SEMA6D: variants seen among roughly 807,000 people sequenced by gnomAD.
The protein encoded by SEMA6D is semaphorin-6D.
SEMA6D carries 35 observed loss-of-function variants against 106.6 expected under a neutral mutation model. The observed-to-expected ratio is 0.33, with a 90% CI of 0.25 to 0.44. SEMA6D has a LOEUF of 0.44. Ranked by LOEUF, SEMA6D falls within the 20% of genes least tolerant of loss-of-function variation. The pLI is 1.00. For synonymous variants in SEMA6D, 499 were observed against 487.7 expected (o/e 1.02, Z -0.31); for missense variants, 1,185 against 1,345.9 (o/e 0.88, Z 1.87).
At chr15:47,321,048 T>C (rs1373887387) in intron 1 of SEMA6D, among the ~76,000 whole-genome samples, 4 of 152,200 alleles carry the variant, frequency 2.6e-5, no homozygotes, top group Non-Finnish European at 5.9e-5. Context: ...TAGAAATATT[T>C]TTTCCCTCTA....
At chr15:47,411,001 T>C (rs897974618) in intron 1 of SEMA6D, among the ~76,000 whole-genome samples, 2 of 152,104 alleles carry the variant, frequency 1.3e-5, no homozygotes, top group Non-Finnish European at 2.9e-5. Context: ...TGAGTGGCTG[T>C]GGCCTGACTC....
intron 1 of SEMA6D, among the ~76,000 whole-genome samples, chr15:47,333,114 G>T (rs912305940): frequency 2.6e-5 from 4 of 152,142 alleles, no homozygotes; most frequent in Non-Finnish European, 5.9e-5. Flanking sequence ...ATTTGTGAGC[G>T]AGGTGAAAGA....
At chr15:47,295,608 A>C (rs1566979171) in intron 1 of SEMA6D, among the ~76,000 whole-genome samples, 1 of 152,246 alleles carries the variant, frequency 6.6e-6, no homozygotes, top group Non-Finnish European at 1.5e-5. Context: ...GGAAGTGGAG[A>C]TCTTTAAAGC....
intron 1 of SEMA6D, among the ~76,000 whole-genome samples, chr15:47,307,829 G>A (rs2036287715): frequency 6.6e-6 from 1 of 152,112 alleles, no homozygotes; most frequent in Admixed American, 6.6e-5. Flanking sequence ...AGCAATTATA[G>A]TAATTATGCT....
At chr15:47,753,937 A>C (rs1404029685) in intron 1 of SEMA6D, among the ~76,000 whole-genome samples, 3 of 152,186 alleles carry the variant, frequency 2.0e-5, no homozygotes, top group African/African-American at 7.2e-5. Context: ...TCAACATGGT[A>C]TCTCTCTGGG....
At chr15:47,765,838 A>C in intron 13 of SEMA6D, 31 bp from the exon 14 acceptor site, 2 of 1,482,382 alleles carry the variant, frequency 1.3e-6, no homozygotes, top group Non-Finnish European at 1.8e-6. Flanking sequence ...CTGACTAAAC[A>C]TATGGCTTCA....
intron 2 of SEMA6D, among the ~76,000 whole-genome samples, chr15:47,434,388 G>A (rs182785939): frequency 1.3e-5 from 2 of 152,172 alleles, no homozygotes; most frequent in East Asian, 1.9e-4. Flanking sequence ...GAATTGAAGC[G>A]GAGGGAGGAG....
intron 3 of SEMA6D, among the ~76,000 whole-genome samples, chr15:47,569,906 C>T (rs1247029016): frequency 6.6e-6 from 1 of 151,820 alleles, no homozygotes; most frequent in African/African-American, 2.4e-5. Flanking sequence ...ACTAAAAATA[C>T]AAAAATTAGA....
chr15:47,602,672 T>C (rs147161066), intron 4 of SEMA6D, among the ~76,000 whole-genome samples: 16 of 152,264 alleles, frequency 1.1e-4, no homozygotes, highest in African/African-American at 3.8e-4. Flanking sequence ...TGCTCTACTG[T>C]TCCCATCTGG....
intron 3 of SEMA6D, among the ~76,000 whole-genome samples, chr15:47,573,623 T>G (rs2076104005): frequency 6.6e-6 from 1 of 152,132 alleles, no homozygotes; most frequent in South Asian, 2.1e-4. Context: ...TTGCTGGTCT[T>G]TCTTTCTTTC....
intron 3 of SEMA6D, among the ~76,000 whole-genome samples, chr15:47,579,186 G>T (rs2076212357): frequency 6.7e-6 from 1 of 150,042 alleles, no homozygotes; most frequent in African/African-American, 2.5e-5. Context: ...CTGTTACCCA[G>T]GCTGGAGTGC....
At position 47,766,748 on chromosome 15, in the gene SEMA6D, A is replaced by G. The variant is rs1186416823; in HGVS notation, c.1708+71A>G. Reference sequence around the variant, plus strand: ...CATTTGCACGTCGACATTATTTTACAATCAGTCTTTTTAATGACTCAGGAC... The same window carrying G: ...CATTTGCACGTCGACATTATTTTACGATCAGTCTTTTTAATGACTCAGGAC... On this transcript the variant is annotated intron_variant, in intron 16 of 18. Coordinates refer to ENST00000536845, the MANE Select transcript of SEMA6D (RefSeq NM_001358351.3). 9 of 1,079,034 alleles carry G rather than the reference A, an allele frequency of 8.3e-6. No individual in the cohort carries two copies. The Admixed American group carries it at 1.7e-4, about 21-fold the overall frequency. The allele number at this position is 1,079,034 out of a possible 1,614,324, so 66.8% of individuals were successfully genotyped here.
intron 1 of SEMA6D, among the ~76,000 whole-genome samples, chr15:47,370,253 A>G (rs894167052): frequency 6.6e-6 from 1 of 152,198 alleles, no homozygotes; most frequent in Non-Finnish European, 1.5e-5. Flanking sequence ...TGTGGTTCAC[A>G]CCTGTAATTT....
intron 1 of SEMA6D, among the ~76,000 whole-genome samples, chr15:47,322,057 A>G (rs2036942691): frequency 6.6e-6 from 1 of 152,220 alleles, no homozygotes; most frequent in African/African-American, 2.4e-5. Flanking sequence ...CTCCTTTGAC[A>G]TCTATTGAAT....
At chr15:47,613,405 T>G (rs1008704720) in intron 4 of SEMA6D, among the ~76,000 whole-genome samples, 1 of 152,196 alleles carries the variant, frequency 6.6e-6, no homozygotes, top group Non-Finnish European at 1.5e-5. Context: ...CAGTAGTGAA[T>G]GTGACAGACA....
chr15:47,313,874 C>T (rs746708718), intron 1 of SEMA6D, among the ~76,000 whole-genome samples: 15 of 152,108 alleles, frequency 9.9e-5, no homozygotes, highest in Admixed American at 3.9e-4. Context: ...CAAATTCTGG[C>T]GTTTATGAAT....
chr15:47,618,818 A>C (rs1186755017), intron 4 of SEMA6D, among the ~76,000 whole-genome samples: 1 of 152,358 alleles, frequency 6.6e-6, no homozygotes, highest in South Asian at 2.1e-4. Flanking sequence ...CAGATTCTTC[A>C]TCTATACAGT....
intron 1 of SEMA6D, among the ~76,000 whole-genome samples, chr15:47,733,031 A>C (rs73394837): frequency 0.031 from 4,752 of 152,164 alleles, 265 homozygotes; most frequent in African/African-American, 0.11. Context: ...ATTCTCTTCA[A>C]CTCTGTAAGA....
At chr15:47,193,991 T>G (rs1191721415) in intron 1 of SEMA6D, among the ~76,000 whole-genome samples, 1 of 152,108 alleles carries the variant, frequency 6.6e-6, no homozygotes, top group Non-Finnish European at 1.5e-5. Context: ...GTGATTACAT[T>G]TGTTCCCTTA....
Sources: gnomAD v4.1 joint callset for allele counts (sites outside exome capture counted in the v4.1 genomes callset) on GRCh38, gnomAD v4.1.1 for gene constraint, MANE v1.5 for transcripts, NCBI Gene and HGNC (gene_info 2026-07-23, HGNC 2026-07-21) for gene names.